Variants in PECAM1 observed in about 807,000 individuals in gnomAD.
PECAM1 encodes the protein platelet endothelial cell adhesion molecule.
Under a neutral mutation model 13.8 loss-of-function variants are expected in PECAM1, and 8 were observed. The ratio of observed to expected loss-of-function variants is 0.58; its 90% confidence interval spans 0.34 to 1.05. The LOEUF is 1.05. PECAM1 is among the 50% of genes least tolerant of loss of function. The pLI, the probability that PECAM1 is intolerant of heterozygous loss-of-function variation, is 0.03. For synonymous variants in PECAM1, 136 were observed against 52.6 expected, an observed-to-expected ratio of 2.58 and a Z score of -6.86; for missense variants, 304 against 141.2, an observed-to-expected ratio of 2.15 and a Z score of -5.84.
At chr17:64,362,592 C>T (rs887085978) in intron 6 of PECAM1, among the ~76,000 whole-genome samples, 6 of 151,922 alleles carry the variant, frequency 3.9e-5, no homozygotes, top group Admixed American at 1.3e-4. Context: ...GCGGAGCTTG[C>T]AGTGAGCCCA....
At position 64,323,148 on chromosome 17, in the gene PECAM1, A is replaced by G; in HGVS notation, c.*668T>C. 1.0e-6 allele frequency: 1 copy of G among 985,358 alleles called. No individual in the cohort carries two copies. 61.0% of individuals were successfully genotyped at this position (985,358 alleles called of 1,614,324 possible). A position where few individuals can be genotyped will look rare whatever the true frequency, so the allele number is the denominator to read the frequency against. Reference sequence around the variant, plus strand: ...AGGAAAAGAGAAAGAGTGTAGACAAAAACAGTTGAAGAACATCTGTGCTTG... The same window carrying G: ...AGGAAAAGAGAAAGAGTGTAGACAAGAACAGTTGAAGAACATCTGTGCTTG... On this transcript the variant is annotated 3_prime_UTR_variant, in exon 16 of 16. Coordinates refer to ENST00000563924, the MANE Select transcript of PECAM1 (RefSeq NM_000442.5).
At chr17:64,363,421 G>A (rs1226603626) in intron 5 of PECAM1, 24 bp from the exon 6 acceptor site, 2 of 475,082 alleles carry the variant, frequency 4.2e-6, no homozygotes, top group African/African-American at 4.0e-5. Context: ...AGTGGGAATG[G>A]AGCGAGATGT....
At chr17:64,327,567 T>C (rs1158459947) in intron 15 of PECAM1, among the ~76,000 whole-genome samples, 2 of 152,158 alleles carry the variant, frequency 1.3e-5, no homozygotes. Flanking sequence ...TTTCTTTCTG[T>C]AAGAAGGCAG....
At chr17:64,372,228 G>A (rs1181453416) in intron 4 of PECAM1, among the ~76,000 whole-genome samples, 3 of 152,144 alleles carry the variant, frequency 2.0e-5, no homozygotes, top group African/African-American at 7.2e-5. Context: ...GGTCAACATA[G>A]CAAGACCCTA....
chr17:64,368,821 C>A (rs2036169058), intron 5 of PECAM1, among the ~76,000 whole-genome samples: 1 of 148,872 alleles, frequency 6.7e-6, no homozygotes. Flanking sequence ...CCACTGCACT[C>A]CAGCCTGGGC....
chr17:64,336,620 G>T (rs1180723970), intron 14 of PECAM1, among the ~76,000 whole-genome samples: 5 of 152,022 alleles, frequency 3.3e-5, no homozygotes, highest in Non-Finnish European at 5.9e-5. Context: ...TTCAGGTGGC[G>T]CACGCCTGAA....
chr17:64,354,903 G>GT (rs2035814061), intron 9 of PECAM1, 30 bp downstream of exon 9: 2 of 475,184 alleles, frequency 4.2e-6, no homozygotes, highest in Non-Finnish European at 7.7e-6. Context: ...AGGACGACCA[G>GT]TCAGTATGGA....
chr17:64,373,112 CAAATAAAT>C (rs1436473057), intron 4 of PECAM1, among the ~76,000 whole-genome samples: 2 of 142,132 alleles, frequency 1.4e-5, no homozygotes, highest in African/African-American at 2.6e-5. Flanking sequence ...AACTCTGTCT[CAAATAAAT>C]AAATAAATAA....
intron 14 of PECAM1, among the ~76,000 whole-genome samples, chr17:64,339,317 C>T (rs2143722646): frequency 6.6e-6 from 1 of 152,290 alleles, no homozygotes; most frequent in East Asian, 1.9e-4. Context: ...AGCGTCTTAA[C>T]CTCTCTATGC....
At chr17:64,342,190 G>A (rs1403299676) in intron 13 of PECAM1, among the ~76,000 whole-genome samples, 2 of 148,746 alleles carry the variant, frequency 1.3e-5, no homozygotes, top group African/African-American at 2.5e-5. Flanking sequence ...TTGGTCTAAC[G>A]AGCGTCACTC....
intron 14 of PECAM1, among the ~76,000 whole-genome samples, chr17:64,337,977 T>C (rs896474652): frequency 6.6e-6 from 1 of 151,676 alleles, no homozygotes; most frequent in Admixed American, 6.6e-5. Context: ...TTTTCTCTTG[T>C]TAATCTGTCT....
intron 14 of PECAM1, among the ~76,000 whole-genome samples, chr17:64,335,892 A>G (rs911344398): frequency 6.6e-6 from 1 of 152,210 alleles, no homozygotes; most frequent in Non-Finnish European, 1.5e-5. Context: ...ACAGAGGTGG[A>G]ATAATATCCA....
rs2034832347 is a variant in PECAM1, at chr17:64,322,611, CTG to C, written c.*1203_*1204del. On this transcript the variant is annotated 3_prime_UTR_variant, in exon 16 of 16. Coordinates refer to ENST00000563924, the MANE Select transcript of PECAM1 (RefSeq NM_000442.5). Reference sequence around the variant, plus strand: ...GATTTTGGCTAGGCGTGGTTCTCATCTGTGAAATTCCACAGCGCAATGACAGC... The same window carrying C: ...GATTTTGGCTAGGCGTGGTTCTCATCTGAAATTCCACAGCGCAATGACAGC... The C allele has an allele frequency of 1.0e-6, 1 of 985,316 alleles. No individual in the cohort carries two copies. The highest frequency in any genetic ancestry group is 1.7e-5 in the African/African-American group (1 of 57,248). The allele number at this position is 985,316 out of a possible 1,614,324, so 61.0% of individuals were successfully genotyped here.
chr17:64,370,483 C>T (rs979309770), intron 4 of PECAM1: 50 of 152,494 alleles, frequency 3.3e-4, no homozygotes, highest in African/African-American at 1.2e-3. Flanking sequence ...AATCGCATGC[C>T]TCCAAAAAAG....
At chr17:64,336,791 G>C (rs1300022266) in intron 14 of PECAM1, among the ~76,000 whole-genome samples, 3 of 151,992 alleles carry the variant, frequency 2.0e-5, no homozygotes, top group Non-Finnish European at 4.4e-5. Flanking sequence ...CCAGGAGGTG[G>C]AGGCTGCTGT....
rs969382432 is a variant in PECAM1, at chr17:64,381,903, C to A, written c.92-3786G>T. On this transcript the variant is annotated intron_variant, in intron 2 of 15. Transcript: ENST00000563924. ...ATCACTTGAGGTCAGGAGTTCAAGA[C>A]CAGCCTGGCCAACATGGTGAAACCT... Among the ~76,000 whole-genome samples, 394 of 152,142 alleles carry A rather than the reference C, an allele frequency of 2.6e-3. 2 individuals carry two copies. The highest frequency in any genetic ancestry group is 9.1e-3 in the African/African-American group (379 of 41,522).
chr17:64,363,004 CT>C (rs2143820561), intron 6 of PECAM1, 144 bp downstream of exon 6: 1 of 436,084 alleles, frequency 2.3e-6, no homozygotes, highest in East Asian at 3.2e-5. Context: ...CTCCTTGTTT[CT>C]TTGGCCTTTG....
chr17:64,375,939 T>C (rs2036347021), intron 3 of PECAM1, among the ~76,000 whole-genome samples: 1 of 150,000 alleles, frequency 6.7e-6, no homozygotes, highest in Admixed American at 6.6e-5. Context: ...GGGGAAAGAG[T>C]GGGAGGGAGC....
At chr17:64,356,761 G>A (rs1246394836) in intron 7 of PECAM1, among the ~76,000 whole-genome samples, 1 of 152,084 alleles carries the variant, frequency 6.6e-6, no homozygotes, top group African/African-American at 2.4e-5. Flanking sequence ...CAAAATGCTG[G>A]GATTACAGGC....
Sources: allele counts gnomAD v4.1 joint callset (sites outside exome capture counted in the v4.1 genomes callset), GRCh38; gene constraint gnomAD v4.1.1; transcripts MANE v1.5; gene names NCBI Gene and HGNC (gene_info 2026-07-23, HGNC 2026-07-21).